ERBIN: variants seen among roughly 807,000 people sequenced by gnomAD.
ERBIN encodes densin-180-like protein.
Under a neutral mutation model 158.4 loss-of-function variants are expected in ERBIN, and 60 were observed. The ratio of observed to expected loss-of-function variants is 0.38; its 90% CI spans 0.31 to 0.47. ERBIN has a LOEUF of 0.47. ERBIN is among the 20% of genes least tolerant of loss of function. The probability of loss-of-function intolerance (pLI) is 0.99; values close to 1 mark genes in which losing one functional copy is unlikely to be tolerated. For missense variants in ERBIN, 1,610 were observed against 1,648.0 expected, an observed-to-expected ratio of 0.98 and a Z score of 0.40; for synonymous variants, 594 against 557.2, an observed-to-expected ratio of 1.07 and a Z score of -0.93.
chr5:65,982,475 CTCGA>C (rs1260258042), intron 1 of ERBIN, among the ~76,000 whole-genome samples: 1 of 152,142 alleles, frequency 6.6e-6, no homozygotes, highest in African/African-American at 2.4e-5. Flanking sequence ...CCAGTGTACT[CTCGA>C]TCACAGTAAT....
chr5:66,071,573 T>C (rs1761533616), intron 21 of ERBIN, among the ~76,000 whole-genome samples: 1 of 152,130 alleles, frequency 6.6e-6, no homozygotes, highest in African/African-American at 2.4e-5. Context: ...AGAATTAAGC[T>C]AAAGCAAATT....
chr5:65,928,391 C>G (rs750532472), intron 1 of ERBIN, among the ~76,000 whole-genome samples: 7 of 152,066 alleles, frequency 4.6e-5, no homozygotes, highest in Non-Finnish European at 8.8e-5. Context: ...AGAGGTTATT[C>G]TTGGGCATCT....
At chr5:65,954,025 C>A (rs1746809274) in intron 1 of ERBIN, among the ~76,000 whole-genome samples, 1 of 152,164 alleles carries the variant, frequency 6.6e-6, no homozygotes, top group South Asian at 2.1e-4. Context: ...TCTCTACTCT[C>A]CTACCCGCTA....
At chr5:66,059,301 T>A (rs1759980502) in intron 21 of ERBIN, among the ~76,000 whole-genome samples, 1 of 152,214 alleles carries the variant, frequency 6.6e-6, no homozygotes, top group Non-Finnish European at 1.5e-5. Flanking sequence ...TTGAAGCAAT[T>A]GTGAATGGGA....
chr5:65,971,749 G>T (rs573648971), intron 1 of ERBIN, among the ~76,000 whole-genome samples: 1 of 152,204 alleles, frequency 6.6e-6, no homozygotes, highest in Non-Finnish European at 1.5e-5. Flanking sequence ...AGATGTTACA[G>T]TTCCGCTAAA....
At chr5:66,059,015 T>G (rs2151257954) in intron 21 of ERBIN, among the ~76,000 whole-genome samples, 1 of 152,308 alleles carries the variant, frequency 6.6e-6, no homozygotes, top group African/African-American at 2.4e-5. Context: ...GTCTTGGCAA[T>G]GCAGGCTCTT....
chr5:65,995,133 G>A (rs1020625224), intron 4 of ERBIN, among the ~76,000 whole-genome samples: 8 of 152,144 alleles, frequency 5.3e-5, no homozygotes, highest in Non-Finnish European at 1.2e-4. Flanking sequence ...ATAGCTTAAA[G>A]CACATGGAGA....
intron 21 of ERBIN, among the ~76,000 whole-genome samples, chr5:66,066,261 C>G (rs1288714684): frequency 6.6e-6 from 1 of 152,054 alleles, no homozygotes; most frequent in Non-Finnish European, 1.5e-5. Context: ...CTCCAAACTT[C>G]ATTGATTCAA....
rs1454506057 is a variant in ERBIN, at chr5:66,025,343, G to A, written c.818-137G>A. ...AGGGAATAGAACATTGGGATTGGGA[G>A]TGGTATCTCTTTTAGATACGTTTGT... is the stretch of plus-strand genomic sequence containing the variant. On this transcript the variant is annotated intron_variant, in intron 10 of 25. Transcript: ENST00000284037. 6 of 700,806 alleles carry A rather than the reference G, an allele frequency of 8.6e-6. No homozygotes were observed. The African/African-American group carries it at 8.9e-5, about 10-fold the overall frequency. The allele number at this position is 700,806 out of a possible 1,614,324, so 43.4% of individuals were successfully genotyped here. A position where few individuals can be genotyped will look rare whatever the true frequency, so the allele number is the denominator to read the frequency against.
intron 14 of ERBIN, among the ~76,000 whole-genome samples, chr5:66,028,599 C>G (rs1692003807): frequency 6.6e-6 from 1 of 152,114 alleles, no homozygotes; most frequent in African/African-American, 2.4e-5. Context: ...ATTAGGAAAT[C>G]AGACTCAAAC....
intron 1 of ERBIN, among the ~76,000 whole-genome samples, chr5:65,936,354 A>G (rs1165436101): frequency 1.3e-5 from 2 of 152,214 alleles, no homozygotes; most frequent in Admixed American, 6.5e-5. Context: ...TCAGTCTTCT[A>G]GGAAAAGATA....
intron 22 of ERBIN, among the ~76,000 whole-genome samples, chr5:66,072,950 A>AT (rs1323059410): frequency 1.1e-4 from 17 of 152,316 alleles, no homozygotes; most frequent in East Asian, 7.7e-4. Context: ...CATCTAATAT[A>AT]TAAGTTCATA....
chr5:65,968,184 AC>A (rs1266798508), intron 1 of ERBIN, among the ~76,000 whole-genome samples: 2 of 152,224 alleles, frequency 1.3e-5, no homozygotes, highest in Non-Finnish European at 2.9e-5. Flanking sequence ...ACCTCATTCT[AC>A]AAAATAGTGG....
At chr5:65,940,297 G>A (rs1744707144) in intron 1 of ERBIN, among the ~76,000 whole-genome samples, 1 of 150,128 alleles carries the variant, frequency 6.7e-6, no homozygotes, top group African/African-American at 2.5e-5. Context: ...GAAGTGAGGA[G>A]ACCCTCCGCC....
intron 10 of ERBIN, 88 bp from the exon 11 acceptor site, chr5:66,025,392 G>T (rs2151151684): frequency 8.5e-6 from 8 of 942,910 alleles, no homozygotes; most frequent in South Asian, 6.7e-5. Context: ...TCTAATTCTT[G>T]TCAGATGTAG....
chr5:65,928,560 T>C (rs1177102710), intron 1 of ERBIN, among the ~76,000 whole-genome samples: 4 of 152,212 alleles, frequency 2.6e-5, no homozygotes, highest in Non-Finnish European at 5.9e-5. Flanking sequence ...ATAAAAAAAG[T>C]ATTGTAGCAC....
At chr5:65,970,749 TG>T (rs776852286) in intron 1 of ERBIN, among the ~76,000 whole-genome samples, 24 of 152,142 alleles carry the variant, frequency 1.6e-4, no homozygotes, top group Non-Finnish European at 3.2e-4. Context: ...CCAGCATGCC[TG>T]GCTAATTTTA....
intron 20 of ERBIN, 82 bp downstream of exon 20, chr5:66,051,048 G>A: frequency 2.4e-6 from 2 of 832,176 alleles, no homozygotes; most frequent in East Asian, 3.1e-5. Flanking sequence ...AAATATATAG[G>A]GTTTAATAAA....
At chr5:66,002,801 T>C (rs960523664) in intron 4 of ERBIN, among the ~76,000 whole-genome samples, 1 of 152,222 alleles carries the variant, frequency 6.6e-6, no homozygotes, top group Non-Finnish European at 1.5e-5. Context: ...GGGGAAGTTA[T>C]GGTATGTTGC....
Sources: gnomAD v4.1 joint callset for allele counts (sites outside exome capture counted in the v4.1 genomes callset) on GRCh38, gnomAD v4.1.1 for gene constraint, MANE v1.5 for transcripts, NCBI Gene and HGNC (gene_info 2026-07-23, HGNC 2026-07-21) for gene names.